Variants in ATP23 observed in about 807,000 individuals in gnomAD.
The protein encoded by ATP23 is mitochondrial inner membrane protease ATP23 homolog.
In ATP23, 24 loss-of-function variants were observed where a neutral mutation model predicts 28.5. The ratio of observed to expected loss-of-function variants is 0.84; its 90% confidence interval spans 0.61 to 1.18. ATP23 has a LOEUF of 1.18. Ranked by LOEUF, ATP23 falls within the 50% of genes most tolerant of loss-of-function variation. The pLI, the probability that ATP23 is intolerant of heterozygous loss-of-function variation, is 0.00. For missense variants in ATP23, 274 were observed against 306.4 expected (o/e 0.89, Z 0.79); for synonymous variants, 99 against 108.6 (o/e 0.91, Z 0.55).
At position 57,941,567 on chromosome 12, in the gene ATP23, A is replaced by T; in HGVS notation, c.-135A>T. On this transcript the variant is annotated 5_prime_UTR_variant, in exon 1 of 6. Transcript: ENST00000300145. ...AAGCCCCCTCCCGCCTAACGTCTTC[A>T]GCCCAGCCAGGCTGCCCTTCTTCCC... 1 of 1,239,704 alleles carries T rather than the reference A, an allele frequency of 8.1e-7. No individual in the cohort carries two copies. Among genetic ancestry groups the T allele is most frequent in the Non-Finnish European group, 1.1e-6 (1 of 930,206 alleles). 76.8% of individuals were successfully genotyped at this position (1,239,704 alleles called of 1,614,324 possible).
chr12:57,941,571 C>A lies in ATP23; in HGVS notation c.-131C>A, dbSNP rs1000500735. 35 of 1,287,796 alleles carry A rather than the reference C, an allele frequency of 2.7e-5. 1 individual carries two copies. In the East Asian group the frequency reaches 9.0e-4, roughly 33 times the overall value. 79.8% of individuals were successfully genotyped at this position (1,287,796 alleles called of 1,614,324 possible). A position where few individuals can be genotyped will look rare whatever the true frequency, so the allele number is the denominator to read the frequency against. On this transcript the variant is annotated 5_prime_UTR_variant, in exon 1 of 6. Coordinates refer to ENST00000300145, the MANE Select transcript of ATP23 (RefSeq NM_033276.4). ...CCCCTCCCGCCTAACGTCTTCAGCC[C>A]AGCCAGGCTGCCCTTCTTCCCTGCG... is the stretch of plus-strand genomic sequence containing the variant.
At chr12:57,954,093 G>T (rs1482466498) in intron 5 of ATP23, among the ~76,000 whole-genome samples, 1 of 151,538 alleles carries the variant, frequency 6.6e-6, no homozygotes, top group Non-Finnish European at 1.5e-5. Context: ...TACTATGGAG[G>T]CTGAGGCAGG....
chr12:57,954,305 C>A (rs1018120273), intron 5 of ATP23, among the ~76,000 whole-genome samples: 1 of 150,984 alleles, frequency 6.6e-6, no homozygotes, highest in South Asian at 2.1e-4. Flanking sequence ...GTTATTCTAA[C>A]AATTCTTGAC....
chr12:57,955,146 C>T (rs1956853606), intron 5 of ATP23, among the ~76,000 whole-genome samples: 1 of 151,224 alleles, frequency 6.6e-6, no homozygotes, highest in South Asian at 2.1e-4. Flanking sequence ...GATATCTGCT[C>T]TTGTCAATAG....
At chr12:57,956,235 C>T (rs1956865412) in intron 5 of ATP23, among the ~76,000 whole-genome samples, 1 of 152,098 alleles carries the variant, frequency 6.6e-6, no homozygotes, top group South Asian at 2.1e-4. Context: ...GAGGACTTAC[C>T]CTTCTCAAAG....
chr12:57,952,323 C>T (rs1207792931), intron 4 of ATP23, among the ~76,000 whole-genome samples: 1 of 151,958 alleles, frequency 6.6e-6, no homozygotes, highest in Non-Finnish European at 1.5e-5. Flanking sequence ...TATTATTGTC[C>T]CTGTTTTACA....
Position 57,945,452 on chromosome 12 carries a change from G to C in ATP23, c.188-176G>C, listed in dbSNP as rs374748446. On this transcript the variant is annotated intron_variant, in intron 1 of 5. Transcript: ENST00000300145. ...TTGCCATGTTGGTCAGGCTGGGCTT[G>C]AACTCCTGGCCTCAAATGATCCACC... 3.9e-3 allele frequency among the ~76,000 whole-genome samples: 594 copies of C among 152,052 alleles called. 36 individuals are homozygous for C. The South Asian group carries it at 0.12, about 30-fold the overall frequency.
rs1379236339 is a variant in ATP23, at chr12:57,952,014, G to T, written c.453+119G>T. ...TAGTTCTACCTTAGTCTTGAATTTCGGTTTATAACTAACATTGAATACCAT... is the reference window on the plus strand; with the variant it reads ...TAGTTCTACCTTAGTCTTGAATTTCTGTTTATAACTAACATTGAATACCAT... On this transcript the variant is annotated intron_variant, in intron 4 of 5. Transcript: ENST00000300145. The T allele has an allele frequency of 1.0e-5, 13 of 1,281,930 alleles. No individual in the cohort carries two copies. In the East Asian group the frequency reaches 3.1e-4, roughly 30 times the overall value. The allele number at this position is 1,281,930 out of a possible 1,614,324, so 79.4% of individuals were successfully genotyped here.
chr12:57,946,952 T>C, intron 2 of ATP23, 43 bp from the exon 3 acceptor site: 2 of 1,599,188 alleles, frequency 1.3e-6, no homozygotes, highest in South Asian at 2.2e-5. Flanking sequence ...GTTTGCCACA[T>C]ACACACTGTT....
intron 3 of ATP23, chr12:57,949,595 G>C (rs780059719): frequency 2.0e-5 from 3 of 152,380 alleles, no homozygotes; most frequent in Non-Finnish European, 2.9e-5. Context: ...CTGGGCTCAA[G>C]CAATCCTCCC....
In ATP23 at chr12:57,959,131, G is replaced by T. The variant is rs958152850; in HGVS notation, c.*2241G>T. Among the ~76,000 whole-genome samples, 5 of 152,020 alleles carry T rather than the reference G, an allele frequency of 3.3e-5. No individual in the cohort carries two copies. Among genetic ancestry groups the T allele is most frequent in the African/African-American group, 1.2e-4 (5 of 41,416 alleles). The stretch of plus-strand genomic sequence containing the variant: ...CAGCAATAGAATTGAACAAGTAGAA[G>T]AAAGAAATTCAGAGCTTGAAGACAA... On this transcript the variant is annotated 3_prime_UTR_variant, in exon 6 of 6. Transcript: ENST00000300145.
Position 57,957,687 on chromosome 12 carries a change from G to C in ATP23, c.*797G>C, listed in dbSNP as rs778621672. Among the ~76,000 whole-genome samples, 1 of 152,288 alleles carries C rather than the reference G, an allele frequency of 6.6e-6. No individual in the cohort carries two copies. Among genetic ancestry groups the C allele is most frequent in the Non-Finnish European group, 1.5e-5 (1 of 68,034 alleles). On this transcript the variant is annotated 3_prime_UTR_variant, in exon 6 of 6. Transcript: ENST00000300145. ...TTACCTGGAGCTGAGTTAATTTAGA[G>C]AGCCGAGCGAAATACAGGGGTAGAG...
At chr12:57,954,827 G>A (rs1016536651) in intron 5 of ATP23, among the ~76,000 whole-genome samples, 14 of 83,642 alleles carry the variant, frequency 1.7e-4, no homozygotes, top group African/African-American at 2.6e-4. Flanking sequence ...ACTCTGGAGT[G>A]GGGGGTGGAA....
chr12:57,942,000 T>G lies in ATP23; in HGVS notation c.187+112T>G, dbSNP rs566417399. On this transcript the variant is annotated intron_variant, in intron 1 of 5. Transcript: ENST00000300145. The stretch of plus-strand genomic sequence containing the variant: ...GGGGCTTCAGGTTCAGCACAGAGTC[T>G]AGACAGACTGGGCATCATGGGGGCT... The G allele has an allele frequency of 1.7e-4, 229 of 1,311,364 alleles. No individual in the cohort carries two copies. In the African/African-American group the frequency reaches 3.3e-3, roughly 19 times the overall value. 81.2% of individuals were successfully genotyped at this position (1,311,364 alleles called of 1,614,324 possible).
chr12:57,947,355 T>C (rs7303136), intron 3 of ATP23, among the ~76,000 whole-genome samples: 19,551 of 152,124 alleles, frequency 0.13, 2,169 homozygotes, highest in African/African-American at 0.3. Flanking sequence ...ATGTGATCGA[T>C]TGAAAGATGC....
At position 57,951,788 on chromosome 12, in the gene ATP23, C is replaced by T; in HGVS notation, c.346C>T (p.Gln116Ter). Residue 116 changes from glutamine (Q) to a stop codon, truncating the protein, a stop_gained, in exon 4 of 6, where the codon CAG becomes TAG. Coordinates refer to ENST00000300145, the MANE Select transcript of ATP23 (RefSeq NM_033276.4). LOFTEE classifies it high-confidence loss of function. ...TTTGTGCCAGAATAATATCCATAAT[C>T]AGGCCCATATGAACAGAGTGGTCAC... ...IVLCQNNIHN[Q>*]AHMNRVVTHE... The T allele has an allele frequency of 6.2e-7, 1 of 1,614,142 alleles. No homozygotes were observed. Among genetic ancestry groups the T allele is most frequent in the Non-Finnish European group, 8.5e-7 (1 of 1,180,016 alleles).
In ATP23 at chr12:57,958,421, C is replaced by T. The variant is rs1249986501; in HGVS notation, c.*1531C>T. ...GAAAGCGCTACCTCCTGGCAGGAGG[C>T]CAGCCAGCACAAAAATAGAGCCTTC... On this transcript the variant is annotated 3_prime_UTR_variant, in exon 6 of 6. Coordinates refer to ENST00000300145, the MANE Select transcript of ATP23 (RefSeq NM_033276.4). Among the ~76,000 whole-genome samples the T allele has an allele frequency of 6.6e-6, 1 of 152,210 alleles. No individual in the cohort carries two copies. The highest frequency in any genetic ancestry group is 1.5e-5 in the Non-Finnish European group (1 of 68,036).
intron 4 of ATP23, among the ~76,000 whole-genome samples, chr12:57,952,298 A>C (rs760805746): frequency 5.3e-5 from 8 of 152,192 alleles, no homozygotes; most frequent in Non-Finnish European, 8.8e-5. Flanking sequence ...TAACCTACTG[A>C]GATAGATATT....
At chr12:57,946,687 C>G (rs1396979531) in intron 2 of ATP23, among the ~76,000 whole-genome samples, 1 of 151,912 alleles carries the variant, frequency 6.6e-6, no homozygotes. Flanking sequence ...AACTCCCGAC[C>G]TCAGGTGATC....
Sources: gnomAD v4.1 joint callset for allele counts (sites outside exome capture counted in the v4.1 genomes callset) on GRCh38, gnomAD v4.1.1 for gene constraint, MANE v1.5 for transcripts, NCBI Gene and HGNC (gene_info 2026-07-23, HGNC 2026-07-21) for gene names.